NWD2: variants seen among roughly 807,000 people sequenced by gnomAD.
NWD2 encodes NACHT and WD repeat domain containing 2, also known as NACHT and WD repeat domain-containing protein 2.
A neutral mutation model predicts 132.7 loss-of-function variants in NWD2; 37 were observed. The ratio of observed to expected loss-of-function variants is 0.28; its 90% CI spans 0.21 to 0.37. NWD2 has a LOEUF of 0.37. NWD2 is among the 10% of genes least tolerant of loss of function. The probability of loss-of-function intolerance (pLI) is 1.00; values close to 1 mark genes in which losing one functional copy is unlikely to be tolerated. For missense variants in NWD2, 1,592 were observed against 2,122.4 expected (o/e 0.75, Z 4.91); for synonymous variants, 705 against 803.0 (o/e 0.88, Z 2.06).
At chr4:37,413,105 G>A (rs537002190) in intron 3 of NWD2, among the ~76,000 whole-genome samples, 1 of 152,278 alleles carries the variant, frequency 6.6e-6, no homozygotes, top group Admixed American at 6.5e-5. Context: ...GGCAACAAAA[G>A]CCAAAATTGA....
At chr4:37,261,802 G>T (rs1717641548) in intron 1 of NWD2, among the ~76,000 whole-genome samples, 1 of 152,164 alleles carries the variant, frequency 6.6e-6, no homozygotes, top group African/African-American at 2.4e-5. Context: ...AAAGAATAAT[G>T]GGCAGTTTCT....
chr4:37,434,080 C>A, intron 5 of NWD2, 60 bp downstream of exon 5: 1 of 1,144,964 alleles, frequency 8.7e-7, no homozygotes, highest in Non-Finnish European at 1.2e-6. Flanking sequence ...ACATCTACTG[C>A]TTCCCTTTAA....
rs554163169 is a variant in NWD2 at position 37,396,471 on chromosome 4, A to G, written c.358-34101A>G. Among the ~76,000 whole-genome samples the G allele has an allele frequency of 1.3e-4, 20 of 152,242 alleles. No homozygotes were observed. In the South Asian group the frequency reaches 4.2e-3, roughly 32 times the overall value. ...ATCCTGACTTCATGGGCAGCTCTCC[A>G]TAGTTGGTTGCCGTCACTATTCTTT... On this transcript the variant is annotated intron_variant, in intron 3 of 6. Transcript: ENST00000309447.
At chr4:37,413,671 C>T (rs528262369) in intron 3 of NWD2, among the ~76,000 whole-genome samples, 54 of 152,248 alleles carry the variant, frequency 3.5e-4, no homozygotes, top group African/African-American at 1.3e-3. Context: ...CACATGCACA[C>T]ATATGTTTAT....
At position 37,446,032 on chromosome 4, in the gene NWD2, C is replaced by T; in HGVS notation, c.4044C>T (p.Gly1348=). The part of the protein sequence containing the change: ...DCVHKWNFSS[G]FIEAVFKHEG... Reference sequence around the variant, plus strand: ...TTCATAAGTGGAACTTCAGCAGTGGCTTCATCGAAGCAGTATTCAAGCATG... The same window carrying T: ...TTCATAAGTGGAACTTCAGCAGTGGTTTCATCGAAGCAGTATTCAAGCATG... The change falls in exon 7 of 7, where the codon GGC becomes GGT. Residue 1348 remains glycine (G), a synonymous_variant. Transcript: ENST00000309447. The surrounding 1 kb of genome is among the most constrained non-coding windows in gnomAD (Gnocchi z 6.7). The T allele has an allele frequency of 6.4e-7, 1 of 1,551,736 alleles. No individual in the cohort carries two copies. The highest frequency in any genetic ancestry group is 2.0e-5 in the Admixed American group (1 of 51,002).
intron 2 of NWD2, among the ~76,000 whole-genome samples, chr4:37,345,882 A>G (rs1172067143): frequency 1.3e-5 from 2 of 152,072 alleles, no homozygotes; most frequent in African/African-American, 4.8e-5. Context: ...GGAGTTAGAG[A>G]CCAGCATGGC....
intron 3 of NWD2, among the ~76,000 whole-genome samples, chr4:37,411,643 C>A (rs1477222160): frequency 1.3e-5 from 2 of 152,170 alleles, no homozygotes; most frequent in Non-Finnish European, 2.9e-5. Flanking sequence ...ATGAGGCCAG[C>A]ATCACCCTTT....
In NWD2 at chr4:37,430,669, T is replaced by C; in HGVS notation, c.455T>C (p.Leu152Pro). 1 of 1,551,574 alleles carries C rather than the reference T, an allele frequency of 6.4e-7. No individual in the cohort carries two copies. The highest frequency in any genetic ancestry group is 1.2e-5 in the South Asian group (1 of 84,054). Residue 152 changes from leucine (L) to proline (P), a missense_variant, in exon 4 of 7, where the codon CTG becomes CCG. This residue lies in a region of NWD2 where 144 missense variants were observed against 185.7 expected (regional missense o/e 0.78). Transcript: ENST00000309447. The part of the protein sequence containing the change: ...MILDAAIEAK[L>P]ETKLLEEWYC... ...TTGGATGCCGCCATAGAGGCAAAGC[T>C]GGAGACCAAGTTGCTGGAGGAGTGG...
intron 2 of NWD2, among the ~76,000 whole-genome samples, chr4:37,341,355 A>T (rs1157669968): frequency 1.3e-5 from 2 of 152,234 alleles, no homozygotes; most frequent in Non-Finnish European, 2.9e-5. Context: ...CAACAGGTTT[A>T]TCAGGATATA....
chr4:37,291,708 A>C (rs753369707), intron 1 of NWD2, among the ~76,000 whole-genome samples: 5 of 152,162 alleles, frequency 3.3e-5, no homozygotes, highest in Non-Finnish European at 7.3e-5. Context: ...GGATAGTGTT[A>C]CTAAAATTTT....
chr4:37,253,276 A>G (rs1717430158), intron 1 of NWD2, among the ~76,000 whole-genome samples: 1 of 152,142 alleles, frequency 6.6e-6, no homozygotes, highest in South Asian at 2.1e-4. Context: ...AAATATCACC[A>G]TTTTTCCTGA....
rs993430911 is a variant in NWD2, at chr4:37,444,058, G to T, written c.2070G>T (p.Glu690Asp). ...CCCTAGACAACAGTGTAATGAGTGA[G>T]CTCAAAGAAAACACCAGACCCAGCA... ...VLALDNSVMS[E>D]LKENTRPSNP... The change falls in exon 7 of 7, where the codon GAG becomes GAT. Residue 690 changes from glutamate (E) to aspartate (D), a missense_variant. Transcript: ENST00000309447. The surrounding 1 kb of genome is among the most constrained non-coding windows in gnomAD (Gnocchi z 4.8). 2 of 1,551,846 alleles carry T rather than the reference G, an allele frequency of 1.3e-6. No homozygotes were observed. Among genetic ancestry groups the T allele is most frequent in the Non-Finnish European group, 1.7e-6 (2 of 1,147,034 alleles).
intron 1 of NWD2, among the ~76,000 whole-genome samples, chr4:37,323,545 C>G (rs536295589): frequency 6.6e-6 from 1 of 151,902 alleles, no homozygotes; most frequent in Admixed American, 6.6e-5. Context: ...AAACAACAGG[C>G]GCTGGCAAGG....
At chr4:37,365,264 G>A (rs1378256264) in intron 3 of NWD2, among the ~76,000 whole-genome samples, 3 of 151,876 alleles carry the variant, frequency 2.0e-5, no homozygotes, top group East Asian at 1.9e-4. Context: ...ATCATTTTAG[G>A]TATACAAAAC....
intron 1 of NWD2, among the ~76,000 whole-genome samples, chr4:37,248,284 A>G (rs1211864748): frequency 3.3e-5 from 5 of 151,916 alleles, no homozygotes; most frequent in Non-Finnish European, 4.4e-5. Context: ...GAACATGGCT[A>G]TGCTGACCCA....
chr4:37,378,809 G>T (rs748342946), intron 3 of NWD2, among the ~76,000 whole-genome samples: 1 of 152,098 alleles, frequency 6.6e-6, no homozygotes, highest in Non-Finnish European at 1.5e-5. Context: ...CTTTAAAAAT[G>T]GAGAAGTTTA....
At chr4:37,421,846 A>AT (rs1032123228) in intron 3 of NWD2, among the ~76,000 whole-genome samples, 6 of 151,412 alleles carry the variant, frequency 4.0e-5, no homozygotes, top group East Asian at 3.9e-4. Context: ...AAACAACAGA[A>AT]TTTTTTTTTC....
intron 3 of NWD2, among the ~76,000 whole-genome samples, chr4:37,408,133 C>CT (rs1269866245): frequency 1.3e-5 from 2 of 152,308 alleles, no homozygotes; most frequent in Admixed American, 6.5e-5. Context: ...TGCAGGAGTT[C>CT]TTTTTTTCCA....
chr4:37,311,508 G>C (rs1718840885), intron 1 of NWD2, among the ~76,000 whole-genome samples: 1 of 150,050 alleles, frequency 6.7e-6, no homozygotes, highest in African/African-American at 2.5e-5. Flanking sequence ...AAATTTGTTT[G>C]AGTTCATTGT....
Sources: gnomAD v4.1 joint callset for allele counts (sites outside exome capture counted in the v4.1 genomes callset) on GRCh38, gnomAD v4.1.1 for gene constraint, gnomAD v4.1.1 regional missense constraint, Gnocchi (gnomAD v3.1) non-coding constraint, MANE v1.5 for transcripts, NCBI Gene and HGNC (gene_info 2026-07-23, HGNC 2026-07-21) for gene names.